Variants in CRHR1 observed in about 807,000 individuals in gnomAD.
CRHR1 encodes corticotropin releasing hormone receptor 1, also known as corticotropin-releasing hormone receptor 1.
A neutral mutation model predicts 56.0 loss-of-function variants in CRHR1; 28 were observed. The observed-to-expected ratio is 0.50, with a 90% CI of 0.37 to 0.69. The LOEUF (loss-of-function observed/expected upper bound fraction) is 0.69. CRHR1 is among the 30% of genes least tolerant of loss of function. CRHR1 has a pLI of 0.00. For synonymous variants in CRHR1, 195 were observed against 216.5 expected (o/e 0.90, Z 0.87); for missense variants, 376 against 548.0 (o/e 0.69, Z 3.13).
intron 1 of CRHR1, among the ~76,000 whole-genome samples, chr17:45,803,753 A>T (rs1055594882): frequency 1.3e-5 from 1 of 75,296 alleles, no homozygotes; most frequent in Admixed American, 1.5e-4. Context: ...TGAGAGAGAG[A>T]GTGCGTGTGT....
At chr17:45,825,534 TGAAACG>T (rs2062142845) in intron 4 of CRHR1, 1 of 154,668 alleles carries the variant, frequency 6.5e-6, no homozygotes, top group African/African-American at 2.4e-5. Context: ...TGGTGGGACA[TGAAACG>T]GATTCTGGGG....
intron 1 of CRHR1, among the ~76,000 whole-genome samples, chr17:45,787,791 A>T (rs1429196759): frequency 6.6e-6 from 1 of 152,194 alleles, no homozygotes; most frequent in Non-Finnish European, 1.5e-5. Flanking sequence ...ATTAAACGAT[A>T]TAGAGCCAGG....
chr17:45,790,468 C>T (rs1053733378), intron 1 of CRHR1, among the ~76,000 whole-genome samples: 1 of 152,210 alleles, frequency 6.6e-6, no homozygotes, highest in Non-Finnish European at 1.5e-5. Context: ...TTTAGCCAAA[C>T]ATGTTCTTTG....
At chr17:45,804,026 G>A (rs1376223331) in intron 1 of CRHR1, among the ~76,000 whole-genome samples, 1 of 152,294 alleles carries the variant, frequency 6.6e-6, no homozygotes, top group East Asian at 1.9e-4. Flanking sequence ...TGGCCTGGTG[G>A]CCTCCTCCTC....
intron 2 of CRHR1, among the ~76,000 whole-genome samples, chr17:45,815,230 G>A (rs1313372956): frequency 6.6e-6 from 1 of 152,194 alleles, no homozygotes; most frequent in African/African-American, 2.4e-5. Context: ...ATTAACCTGG[G>A]GACACTGGGG....
intron 1 of CRHR1, chr17:45,800,732 G>A (rs1438822973): frequency 1.3e-5 from 2 of 152,326 alleles, no homozygotes; most frequent in East Asian, 3.8e-4. Context: ...CCGAAGGCCA[G>A]TGCGGTCCCT....
chr17:45,789,344 G>A (rs926980129), intron 1 of CRHR1, among the ~76,000 whole-genome samples: 10 of 152,046 alleles, frequency 6.6e-5, no homozygotes, highest in African/African-American at 2.4e-4. Flanking sequence ...TAAATTCAGG[G>A]AGGTCCCTGT....
chr17:45,823,230 T>A (rs973155843), intron 4 of CRHR1, among the ~76,000 whole-genome samples: 1 of 151,580 alleles, frequency 6.6e-6, no homozygotes, highest in Non-Finnish European at 1.5e-5. Flanking sequence ...AATCACACTG[T>A]CCAAGGAGGA....
chr17:45,830,579 G>T lies in CRHR1; in HGVS notation c.709+9G>T. ...CATCTGCATTGGCTGGGGTGAGCTGGGCAGCCACCTCCGCAGCCTGGGCAG... is the reference window on the plus strand; with the variant it reads ...CATCTGCATTGGCTGGGGTGAGCTGTGCAGCCACCTCCGCAGCCTGGGCAG... On this transcript the variant is annotated intron_variant, in intron 7 of 12. Transcript: ENST00000314537. 1 of 1,599,514 alleles carries T rather than the reference G, an allele frequency of 6.3e-7. No individual in the cohort carries two copies. Among genetic ancestry groups the T allele is most frequent in the South Asian group, 1.1e-5 (1 of 89,758 alleles).
intron 1 of CRHR1, chr17:45,800,243 A>G (rs2061598053): frequency 6.6e-6 from 1 of 152,262 alleles, no homozygotes; most frequent in South Asian, 2.1e-4. Flanking sequence ...GACACCACTC[A>G]ATCCAGTGGA....
chr17:45,833,630 G>T, intron 10 of CRHR1, 84 bp from the exon 11 acceptor site: 1 of 1,597,378 alleles, frequency 6.3e-7, no homozygotes, highest in Non-Finnish European at 8.6e-7. Context: ...TCCCTCCCCC[G>T]ACCTGGCCCT....
At chr17:45,791,432 T>C (rs978973092) in intron 1 of CRHR1, among the ~76,000 whole-genome samples, 3 of 151,934 alleles carry the variant, frequency 2.0e-5, no homozygotes, top group African/African-American at 7.3e-5. Flanking sequence ...TTACGGAAGA[T>C]GCGGAGACAG....
chr17:45,784,599 C>G lies in CRHR1; in HGVS notation c.33+22C>G, dbSNP rs1433314873. ...CAAGGTAACAGCCCGCCGGCCATCC[C>G]TCGAGCGCTGGCGCCCCCGGCCCCT... On this transcript the variant is annotated intron_variant, in intron 1 of 12. Transcript: ENST00000314537. This position sits in a 1 kb window ranked among gnomAD's most constrained non-coding sequence, Gnocchi z 4.2. 10 of 1,542,056 alleles carry G rather than the reference C, an allele frequency of 6.5e-6. No individual in the cohort carries two copies. Among genetic ancestry groups the G allele is most frequent in the Admixed American group, 3.9e-5 (2 of 51,242 alleles).
chr17:45,819,454 C>T (rs1463265574), intron 3 of CRHR1, among the ~76,000 whole-genome samples: 2 of 151,870 alleles, frequency 1.3e-5, no homozygotes, highest in East Asian at 3.9e-4. Context: ...CCCATCCCAC[C>T]ACCCCCGGGC....
At chr17:45,815,931 G>A (rs1253324666) in intron 2 of CRHR1, among the ~76,000 whole-genome samples, 4 of 152,166 alleles carry the variant, frequency 2.6e-5, no homozygotes, top group African/African-American at 7.2e-5. Flanking sequence ...CAGGCCAGCC[G>A]GAAGAAGGAA....
chr17:45,789,757 ATCT>A (rs1040431053), intron 1 of CRHR1, among the ~76,000 whole-genome samples: 1 of 152,158 alleles, frequency 6.6e-6, no homozygotes, highest in African/African-American at 2.4e-5. Flanking sequence ...GGCAGTCAAC[ATCT>A]TCTTGTATGG....
At chr17:45,830,767 G>A in intron 7 of CRHR1, 113 bp from the exon 8 acceptor site, 2 of 1,246,050 alleles carry the variant, frequency 1.6e-6, no homozygotes, top group South Asian at 1.4e-5. Context: ...GTGAGTTTGA[G>A]ATCCACCCTG....
At chr17:45,827,712 C>G (rs1259716873) in intron 4 of CRHR1, 1 of 152,272 alleles carries the variant, frequency 6.6e-6, no homozygotes, top group Non-Finnish European at 1.5e-5. Flanking sequence ...GCTTCTGTAG[C>G]AGCCTCTGGA....
intron 1 of CRHR1, among the ~76,000 whole-genome samples, chr17:45,793,227 C>T (rs543721568): frequency 2.6e-5 from 4 of 152,248 alleles, no homozygotes; most frequent in Admixed American, 6.5e-5. Flanking sequence ...GTTCCGCCTC[C>T]GGTCCCCATA....
Sources: allele counts gnomAD v4.1 joint callset (sites outside exome capture counted in the v4.1 genomes callset), GRCh38; gene constraint gnomAD v4.1.1; non-coding constraint Gnocchi (gnomAD v3.1); transcripts MANE v1.5; gene names NCBI Gene and HGNC (gene_info 2026-07-23, HGNC 2026-07-21).